IQSEC1: variants seen among roughly 807,000 people sequenced by gnomAD.
IQSEC1 encodes IQ motif and Sec7 domain ArfGEF 1.
IQSEC1 carries 31 observed loss-of-function variants against 91.0 expected under a neutral mutation model. That is an observed-to-expected ratio of 0.34 (90% CI 0.26 to 0.46). The LOEUF is 0.46. Ranked by LOEUF, IQSEC1 falls within the 20% of genes least tolerant of loss-of-function variation. IQSEC1 has a pLI of 1.00. For synonymous variants in IQSEC1, 699 were observed against 662.6 expected (o/e 1.05, Z -0.84); for missense variants, 1,388 against 1,575.6 (o/e 0.88, Z 2.02).
At chr3:13,271,264 C>G (rs1160436143) in intron 1 of IQSEC1, among the ~76,000 whole-genome samples, 1 of 152,072 alleles carries the variant, frequency 6.6e-6, no homozygotes. Flanking sequence ...GTAGTCCCAG[C>G]TACTCGGGAG....
intron 1 of IQSEC1, among the ~76,000 whole-genome samples, chr3:13,257,626 C>T (rs573221362): frequency 3.3e-5 from 5 of 152,192 alleles, no homozygotes; most frequent in Non-Finnish European, 7.3e-5. Context: ...GGGCTCCGCA[C>T]CCTGCAGCTG....
chr3:13,065,093 C>T (rs1186260596), intron 1 of IQSEC1, among the ~76,000 whole-genome samples: 1 of 152,222 alleles, frequency 6.6e-6, no homozygotes, highest in Non-Finnish European at 1.5e-5. Flanking sequence ...TCATGGAGGC[C>T]CCACTGCAAG....
rs779327139 is a variant in IQSEC1 at position 12,899,404 on chromosome 3, C to G, written c.*1579G>C. ...GGTCCCATGGCTTAGGAGCACAGCA[C>G]TGACGGCTGCAGTGGCTCGAAAGGC... On this transcript the variant is annotated 3_prime_UTR_variant, in exon 14 of 14. Transcript: ENST00000613206. The G allele has an allele frequency of 1.2e-6, 2 of 1,612,986 alleles. No homozygotes were observed. Among genetic ancestry groups the G allele is most frequent in the Admixed American group, 1.7e-5 (1 of 59,984 alleles).
At chr3:12,920,316 G>A (rs112151245) in intron 6 of IQSEC1, 114 bp downstream of exon 6, 13,696 of 1,067,706 alleles carry the variant, frequency 0.013, 131 homozygotes, top group Non-Finnish European at 0.016. Flanking sequence ...CTGGAGTGCC[G>A]GAGCACAGCT....
chr3:13,122,939 G>A (rs955129391), intron 2 of IQSEC1, among the ~76,000 whole-genome samples: 2 of 152,170 alleles, frequency 1.3e-5, no homozygotes, highest in South Asian at 2.1e-4. Flanking sequence ...ACAGGCTGGT[G>A]ACCCGGCCCT....
chr3:13,010,987 C>T (rs1390586975), intron 1 of IQSEC1, among the ~76,000 whole-genome samples: 1 of 152,258 alleles, frequency 6.6e-6, no homozygotes, highest in Non-Finnish European at 1.5e-5. Context: ...AGCCTCCCCA[C>T]ACTTCCTCCA....
upstream of IQSEC1, among the ~76,000 whole-genome samples, chr3:13,073,518 G>T: frequency 6.6e-6 from 1 of 152,152 alleles, no homozygotes; most frequent in South Asian, 2.1e-4. Flanking sequence ...TCGCCGAGGC[G>T]CTGGTCGCCA....
chr3:12,938,380 A>G (rs1698421236), intron 2 of IQSEC1, among the ~76,000 whole-genome samples: 1 of 152,122 alleles, frequency 6.6e-6, no homozygotes, highest in Non-Finnish European at 1.5e-5. Context: ...CACCAGGGAG[A>G]CTGGCTCAGG....
intron 2 of IQSEC1, among the ~76,000 whole-genome samples, chr3:13,100,193 AC>A (rs1289607322): frequency 6.8e-6 from 1 of 147,994 alleles, no homozygotes; most frequent in Admixed American, 6.7e-5. Context: ...TCAGCTGTGC[AC>A]AGGGAGTTGG....
chr3:13,146,468 C>T (rs1417770740), intron 2 of IQSEC1, among the ~76,000 whole-genome samples: 4 of 152,182 alleles, frequency 2.6e-5, no homozygotes, highest in East Asian at 1.9e-4. Context: ...ACACGGTGGG[C>T]GGGCAGTGAT....
chr3:13,012,633 G>A (rs938863408), intron 1 of IQSEC1, among the ~76,000 whole-genome samples: 18 of 152,234 alleles, frequency 1.2e-4, no homozygotes, highest in Admixed American at 1.0e-3. Context: ...CTTGCTACAT[G>A]CCGGGCACAG....
Position 12,899,326 on chromosome 3 carries a change from T to C in IQSEC1, c.*1657A>G. 6.4e-7 allele frequency: 1 copy of C among 1,572,636 alleles called. No homozygotes were observed. The highest frequency in any genetic ancestry group is 8.7e-7 in the Non-Finnish European group (1 of 1,149,632). Reference sequence around the variant, plus strand: ...CGGCCCGCAGAGTCAGGCGTGAGCTTCGCCCTTTCTGAAAGGGCCTCCGCC... The same window carrying C: ...CGGCCCGCAGAGTCAGGCGTGAGCTCCGCCCTTTCTGAAAGGGCCTCCGCC... On this transcript the variant is annotated 3_prime_UTR_variant, in exon 14 of 14. Transcript: ENST00000613206.
At chr3:13,142,296 C>A (rs1017591430) in intron 2 of IQSEC1, among the ~76,000 whole-genome samples, 4 of 152,240 alleles carry the variant, frequency 2.6e-5, no homozygotes, top group African/African-American at 7.2e-5. Flanking sequence ...GGCTTCCCTG[C>A]AGGCTGCACA....
At position 13,056,547 on chromosome 3, in the gene IQSEC1, G is replaced by T. The variant is rs553823681; in HGVS notation, c.23+16445C>A. 1.3e-3 allele frequency among the ~76,000 whole-genome samples: 191 copies of T among 152,220 alleles called. 1 individual carries two copies. Among genetic ancestry groups the T allele is most frequent in the Non-Finnish European group, 1.6e-3 (108 of 68,012 alleles). On this transcript the variant is annotated intron_variant, in intron 1 of 13. Coordinates refer to ENST00000613206, the MANE Select transcript of IQSEC1 (RefSeq NM_001134382.3). ...TATGAGGAAACTAAGGCTCAGAAAG[G>T]TGGAGACCTCCCCAAGCCTCCTCAG...
At chr3:13,065,335 G>C (rs538199558) in intron 1 of IQSEC1, among the ~76,000 whole-genome samples, 106 of 152,368 alleles carry the variant, frequency 7.0e-4, no homozygotes, top group African/African-American at 2.4e-3. Flanking sequence ...GGACACAGCC[G>C]TGGCCTCTGG....
intron 13 of IQSEC1, among the ~76,000 whole-genome samples, chr3:12,902,311 A>G (rs950410072): frequency 6.6e-6 from 1 of 152,084 alleles, no homozygotes; most frequent in African/African-American, 2.4e-5. Context: ...TCAAACTCCA[A>G]GAAGAAAGCG....
At chr3:13,089,632 T>G (rs12490669) in intron 2 of IQSEC1, among the ~76,000 whole-genome samples, 10,104 of 152,248 alleles carry the variant, frequency 0.066, 423 homozygotes, top group Middle Eastern at 0.19. Context: ...TGTGGCAACA[T>G]GGATAAACCT....
At chr3:13,032,308 C>G (rs2125012248) in intron 1 of IQSEC1, among the ~76,000 whole-genome samples, 1 of 152,360 alleles carries the variant, frequency 6.6e-6, no homozygotes, top group East Asian at 1.9e-4. Context: ...TCATGCGGTC[C>G]TCTATGGAGA....
Position 12,967,394 on chromosome 3 carries a change from C to T in IQSEC1, c.24-25529G>A, listed in dbSNP as rs926747306. The T allele has an allele frequency of 5.2e-6, 8 of 1,535,248 alleles. No homozygotes were observed. In the African/African-American group the frequency reaches 1.1e-4, roughly 21 times the overall value. On this transcript the variant is annotated intron_variant, in intron 1 of 13. Coordinates refer to ENST00000613206, the MANE Select transcript of IQSEC1 (RefSeq NM_001134382.3). This position sits in a 1 kb window ranked among gnomAD's most constrained non-coding sequence, Gnocchi z 5.9. Reference sequence around the variant, plus strand: ...CCCGCGCCGCGCCCTCACCCGCTGTCAAGCTCTAGCTCCAGAAGGGACTGG... The same window carrying T: ...CCCGCGCCGCGCCCTCACCCGCTGTTAAGCTCTAGCTCCAGAAGGGACTGG...
Sources: allele counts gnomAD v4.1 joint callset (sites outside exome capture counted in the v4.1 genomes callset), GRCh38; gene constraint gnomAD v4.1.1; non-coding constraint Gnocchi (gnomAD v3.1); transcripts MANE v1.5; gene names NCBI Gene and HGNC (gene_info 2026-07-23, HGNC 2026-07-21).